The following SIPA1L1 variants were observed in gnomAD, a reference collection of about 807,000 sequenced individuals.
The protein encoded by SIPA1L1 is signal-induced proliferation-associated 1-like protein 1.
In SIPA1L1, 26 loss-of-function variants were observed where a neutral mutation model predicts 162.7. The observed-to-expected ratio is 0.16, with a 90% CI of 0.12 to 0.22. The LOEUF is 0.22. Ranked by LOEUF, SIPA1L1 falls within the 10% of genes least tolerant of loss-of-function variation. SIPA1L1 has a pLI of 1.00. For synonymous variants in SIPA1L1, 829 were observed against 837.4 expected, an observed-to-expected ratio of 0.99 and a Z score of 0.17; for missense variants, 1,874 against 2,241.0, an observed-to-expected ratio of 0.84 and a Z score of 3.31.
chr14:71,351,440 A>G (rs528127283), intron 2 of SIPA1L1, among the ~76,000 whole-genome samples: 8 of 152,338 alleles, frequency 5.3e-5, no homozygotes, highest in South Asian at 2.1e-4. Flanking sequence ...ATGTGAAGGA[A>G]AAAAATGGAA....
At chr14:71,464,916 A>G (rs1056310590) in intron 2 of SIPA1L1, among the ~76,000 whole-genome samples, 2 of 152,122 alleles carry the variant, frequency 1.3e-5, no homozygotes, top group Non-Finnish European at 2.9e-5. Flanking sequence ...AGAAGCAAAC[A>G]GGGGTGTTGA....
At chr14:71,654,579 AGT>A (rs1296782482) in intron 8 of SIPA1L1, among the ~76,000 whole-genome samples, 1 of 152,178 alleles carries the variant, frequency 6.6e-6, no homozygotes, top group Non-Finnish European at 1.5e-5. Flanking sequence ...ATTTTTCAGC[AGT>A]GTTATAAATG....
chr14:71,496,760 T>C (rs1464876393), intron 2 of SIPA1L1, among the ~76,000 whole-genome samples: 1 of 152,212 alleles, frequency 6.6e-6, no homozygotes, highest in Non-Finnish European at 1.5e-5. Flanking sequence ...TGCTCTGTTG[T>C]TAGGTTGCAT....
chr14:71,734,254 C>A (rs1006288146), intron 21 of SIPA1L1, among the ~76,000 whole-genome samples: 1 of 152,242 alleles, frequency 6.6e-6, no homozygotes, highest in Non-Finnish European at 1.5e-5. Context: ...CGCGGTAGCG[C>A]GTTGTCTGTC....
chr14:71,466,796 T>G (rs1330015373), intron 2 of SIPA1L1, among the ~76,000 whole-genome samples: 2 of 152,206 alleles, frequency 1.3e-5, no homozygotes, highest in Non-Finnish European at 2.9e-5. Context: ...TGACCAGTTA[T>G]CTTTTAATAA....
intron 7 of SIPA1L1, among the ~76,000 whole-genome samples, chr14:71,645,658 G>A (rs1470146732): frequency 6.6e-6 from 1 of 152,162 alleles, no homozygotes; most frequent in Admixed American, 6.6e-5. Flanking sequence ...AGTGTATAGC[G>A]GAGAAAAAGA....
chr14:71,565,446 T>G (rs1373699803), intron 4 of SIPA1L1, among the ~76,000 whole-genome samples: 1 of 152,230 alleles, frequency 6.6e-6, no homozygotes, highest in Admixed American at 6.5e-5. Context: ...GGTTCCACCT[T>G]CCATGAATTT....
chr14:71,605,385 T>G (rs2148147449), intron 5 of SIPA1L1, among the ~76,000 whole-genome samples: 1 of 152,358 alleles, frequency 6.6e-6, no homozygotes, highest in East Asian at 1.9e-4. Flanking sequence ...TTCTTTTTGT[T>G]TGGGATCTGT....
At chr14:71,600,718 A>T (rs984775968) in intron 5 of SIPA1L1, among the ~76,000 whole-genome samples, 7 of 152,200 alleles carry the variant, frequency 4.6e-5, no homozygotes, top group Admixed American at 2.6e-4. Flanking sequence ...ATCAATGGGC[A>T]TGGGACATGT....
rs1025015805 is a variant in SIPA1L1 at position 71,709,775 on chromosome 14, C to T, written c.4208+111C>T. On this transcript the variant is annotated intron_variant, in intron 17 of 23. Transcript: ENST00000381232. Reference sequence around the variant, plus strand: ...TGTATAAGGAAAGGAGGTTTTTCTGCAGTGACAATTATTTTTATATGTTTA... The same window carrying T: ...TGTATAAGGAAAGGAGGTTTTTCTGTAGTGACAATTATTTTTATATGTTTA... 6 of 823,804 alleles carry T rather than the reference C, an allele frequency of 7.3e-6. No individual in the cohort carries two copies. The Admixed American group carries it at 9.0e-5, about 12-fold the overall frequency. 51.0% of individuals were successfully genotyped at this position (823,804 alleles called of 1,614,324 possible).
chr14:71,587,188 A>G (rs1228858379), intron 4 of SIPA1L1, among the ~76,000 whole-genome samples: 1 of 152,140 alleles, frequency 6.6e-6, no homozygotes, highest in Admixed American at 6.5e-5. Flanking sequence ...TCACTTGGTT[A>G]CATCTCAAAC....
intron 2 of SIPA1L1, among the ~76,000 whole-genome samples, chr14:71,465,320 A>G (rs549023663): frequency 2.6e-5 from 4 of 152,198 alleles, no homozygotes. Context: ...ACTCTCACTC[A>G]GGGCAATCTT....
intron 4 of SIPA1L1, chr14:71,586,977 T>C (rs1320052952): frequency 6.6e-6 from 1 of 152,198 alleles, no homozygotes; most frequent in Admixed American, 6.5e-5. Flanking sequence ...ATGGATATAA[T>C]GGCTCTGGGA....
At chr14:71,633,530 TA>T (rs2040816662) in intron 7 of SIPA1L1, among the ~76,000 whole-genome samples, 1 of 152,134 alleles carries the variant, frequency 6.6e-6, no homozygotes, top group African/African-American at 2.4e-5. Context: ...TTGAAGGTAT[TA>T]AGGAACAAAT....
intron 2 of SIPA1L1, among the ~76,000 whole-genome samples, chr14:71,344,502 T>C (rs980364274): frequency 3.9e-5 from 6 of 152,212 alleles, no homozygotes; most frequent in Admixed American, 2.0e-4. Context: ...GACCCAGGGC[T>C]TCTTACAAGC....
rs2085642193 is a variant in SIPA1L1, at chr14:71,739,964, A to G, written c.*803A>G. 6.6e-6 allele frequency: 1 copy of G among 152,210 alleles called. No homozygotes were observed. The highest frequency in any genetic ancestry group is 2.4e-5 in the African/African-American group (1 of 41,456). 9.4% of individuals were successfully genotyped at this position (152,210 alleles called of 1,614,324 possible). ...ATCTCTCTTACAGCTTCCTGGCTCC[A>G]AACATTAATTGATTTCAGAATTCCC... On this transcript the variant is annotated 3_prime_UTR_variant, in exon 24 of 24. Coordinates refer to ENST00000381232, the MANE Select transcript of SIPA1L1 (RefSeq NM_001386936.1).
intron 14 of SIPA1L1, among the ~76,000 whole-genome samples, chr14:71,702,133 C>T (rs1035397584): frequency 1.3e-5 from 2 of 152,148 alleles, no homozygotes; most frequent in East Asian, 1.9e-4. Context: ...TAATGGCTTC[C>T]GCCCTCATTG....
At chr14:71,513,731 G>A (rs1474093239) in intron 3 of SIPA1L1, among the ~76,000 whole-genome samples, 1 of 152,106 alleles carries the variant, frequency 6.6e-6, no homozygotes, top group Non-Finnish European at 1.5e-5. Flanking sequence ...GAGCTCTAGT[G>A]ATCCACCTAG....
At chr14:71,434,774 T>C (rs1408063091) in intron 2 of SIPA1L1, among the ~76,000 whole-genome samples, 1 of 152,102 alleles carries the variant, frequency 6.6e-6, no homozygotes, top group East Asian at 1.9e-4. Flanking sequence ...AGTCAGAGTC[T>C]CTCCCTATGT....
Sources: allele counts gnomAD v4.1 joint callset (sites outside exome capture counted in the v4.1 genomes callset), GRCh38; gene constraint gnomAD v4.1.1; transcripts MANE v1.5; gene names NCBI Gene and HGNC (gene_info 2026-07-23, HGNC 2026-07-21).